The following TBCK variants were observed in gnomAD, a reference collection of about 807,000 sequenced individuals.
TBCK encodes the protein TBC1 domain containing kinase.
Under a neutral mutation model 113.4 loss-of-function variants are expected in TBCK, and 99 were observed. That is an observed-to-expected ratio of 0.87 (90% CI 0.74 to 1.03). TBCK has a LOEUF of 1.03. TBCK is among the 50% of genes least tolerant of loss of function. TBCK has a pLI of 0.00. For synonymous variants in TBCK, 369 were observed against 370.8 expected (o/e 1.00, Z 0.05); for missense variants, 1,045 against 1,061.3 (o/e 0.98, Z 0.21).
At chr4:106,208,310 C>T (rs1174041189) in intron 20 of TBCK, among the ~76,000 whole-genome samples, 3 of 152,076 alleles carry the variant, frequency 2.0e-5, no homozygotes, top group Non-Finnish European at 4.4e-5. Flanking sequence ...CCGTATGGCA[C>T]ACTTTCCTCT....
rs540012889 is a variant in TBCK at position 106,092,504 on chromosome 4, G to A, written c.2571+2978C>T. Among the ~76,000 whole-genome samples the A allele has an allele frequency of 2.6e-4, 39 of 152,350 alleles. No homozygotes were observed. In the South Asian group the frequency reaches 7.9e-3, roughly 31 times the overall value. ...GCAGGAGCCCACGGTGGGTTGGGGG[G>A]AGGCTCAGGCATGGTGGGCTGCAGG... On this transcript the variant is annotated intron_variant, in intron 25 of 25. Transcript: ENST00000394708.
intron 25 of TBCK, among the ~76,000 whole-genome samples, chr4:106,077,272 A>C (rs1488878995): frequency 1.3e-5 from 2 of 152,234 alleles, no homozygotes; most frequent in Admixed American, 1.3e-4. Context: ...TTAAGTCTAC[A>C]TAACAACCAG....
chr4:106,114,239 T>G (rs988694240), intron 24 of TBCK, among the ~76,000 whole-genome samples: 1 of 152,100 alleles, frequency 6.6e-6, no homozygotes, highest in Non-Finnish European at 1.5e-5. Context: ...GATGCAAACC[T>G]TCTTGGAAGG....
Position 106,233,790 on chromosome 4 carries a change from C to T in TBCK, c.1450-140G>A, listed in dbSNP as rs1440521679. ...AAGCACATTCAAACTCAGGGTAGAA[C>T]TCATCTTAAGAGAAATTCTCTGTGT... On this transcript the variant is annotated intron_variant, in intron 15 of 25. Coordinates refer to ENST00000394708, the MANE Select transcript of TBCK (RefSeq NM_001163435.3). 1.5e-5 allele frequency: 9 copies of T among 616,570 alleles called. No individual in the cohort carries two copies. The Admixed American group carries it at 2.7e-4, about 19-fold the overall frequency. 38.2% of individuals were successfully genotyped at this position (616,570 alleles called of 1,614,324 possible).
chr4:106,261,046 A>AT (rs948810782), intron 4 of TBCK, among the ~76,000 whole-genome samples: 8 of 152,078 alleles, frequency 5.3e-5, no homozygotes, highest in African/African-American at 1.9e-4. Context: ...AATAACTATC[A>AT]TAAGTATAAG....
chr4:106,185,358 C>G (rs1179510368), intron 22 of TBCK, among the ~76,000 whole-genome samples: 1 of 151,952 alleles, frequency 6.6e-6, no homozygotes, highest in Non-Finnish European at 1.5e-5. Flanking sequence ...ATGAGATTCA[C>G]CCTCTTACCA....
At chr4:106,108,421 G>A (rs906711375) in intron 24 of TBCK, among the ~76,000 whole-genome samples, 4 of 152,144 alleles carry the variant, frequency 2.6e-5, no homozygotes, top group Non-Finnish European at 5.9e-5. Flanking sequence ...GATCAAGTAG[G>A]CTTCATCCCC....
At chr4:106,103,266 T>A (rs1039459860) in intron 24 of TBCK, among the ~76,000 whole-genome samples, 1 of 152,222 alleles carries the variant, frequency 6.6e-6, no homozygotes, top group Non-Finnish European at 1.5e-5. Flanking sequence ...ACAGGTAGAT[T>A]TGTTCAGTTG....
intron 22 of TBCK, among the ~76,000 whole-genome samples, chr4:106,190,186 A>G (rs1753504252): frequency 1.3e-5 from 2 of 152,202 alleles, no homozygotes; most frequent in Admixed American, 1.3e-4. Context: ...GATTACACAT[A>G]AATCTTACAG....
At chr4:106,289,450 T>C (rs1217528830) in intron 3 of TBCK, among the ~76,000 whole-genome samples, 3 of 152,194 alleles carry the variant, frequency 2.0e-5, no homozygotes, top group African/African-American at 4.8e-5. Flanking sequence ...TATTAGTCTA[T>C]AAAAATATAA....
intron 22 of TBCK, among the ~76,000 whole-genome samples, chr4:106,179,336 T>G (rs1159721693): frequency 6.6e-6 from 1 of 152,096 alleles, no homozygotes; most frequent in African/African-American, 2.4e-5. Context: ...GTTAAGTTCT[T>G]TATTTGAATT....
At chr4:106,098,900 T>C (rs1022787296) in intron 24 of TBCK, among the ~76,000 whole-genome samples, 17 of 151,964 alleles carry the variant, frequency 1.1e-4, no homozygotes, top group South Asian at 2.1e-4. Context: ...AAGAACAAAA[T>C]CAAAAATTTG....
chr4:106,116,272 T>C lies in TBCK; in HGVS notation c.2342A>G (p.Lys781Arg), dbSNP rs1345431510. ...GGACTTTGTTTTCTTGCTGGGTGTT[T>C]TGAAGTGGCCTGTCACTGTGAGCTC... ...LCELTVTGHF[K>R]TPSKKTKSSK... Residue 781 changes from lysine (K) to arginine (R), a missense_variant, in exon 24 of 26, where the codon AAA becomes AGA. Coordinates refer to ENST00000394708, the MANE Select transcript of TBCK (RefSeq NM_001163435.3). The C allele has an allele frequency of 1.2e-6, 2 of 1,614,140 alleles. No homozygotes were observed. The highest frequency in any genetic ancestry group is 1.7e-6 in the Non-Finnish European group (2 of 1,180,030).
intron 24 of TBCK, among the ~76,000 whole-genome samples, chr4:106,104,284 C>A (rs1358711062): frequency 2.0e-5 from 3 of 152,172 alleles, no homozygotes; most frequent in African/African-American, 7.2e-5. Context: ...GGCTTGGGAT[C>A]CAGCCAGCTA....
chr4:106,169,590 A>G (rs2149732602), intron 23 of TBCK, among the ~76,000 whole-genome samples: 1 of 152,238 alleles, frequency 6.6e-6, no homozygotes. Context: ...AGTGTTCCTC[A>G]ACTTTTTTGG....
chr4:106,060,114 T>C (rs1359753462), intron 25 of TBCK, among the ~76,000 whole-genome samples: 2 of 151,110 alleles, frequency 1.3e-5, no homozygotes, highest in South Asian at 2.1e-4. Flanking sequence ...TCTCCATAAC[T>C]AAAAGTGTAA....
At chr4:106,216,048 C>G (rs1421410774) in intron 19 of TBCK, among the ~76,000 whole-genome samples, 3 of 151,780 alleles carry the variant, frequency 2.0e-5, no homozygotes, top group East Asian at 3.9e-4. Flanking sequence ...AACTAGAACT[C>G]AGGATTAAGA....
chr4:106,147,212 T>C (rs1309459869), intron 23 of TBCK, among the ~76,000 whole-genome samples: 1 of 152,242 alleles, frequency 6.6e-6, no homozygotes, highest in East Asian at 1.9e-4. Context: ...CATATTGATA[T>C]TGTGATCTCC....
intron 3 of TBCK, among the ~76,000 whole-genome samples, chr4:106,273,875 T>G (rs999024601): frequency 2.0e-5 from 3 of 152,232 alleles, no homozygotes; most frequent in African/African-American, 7.2e-5. Context: ...TTAAGCTACC[T>G]AATTTGTTGC....
Sources: allele counts gnomAD v4.1 joint callset (sites outside exome capture counted in the v4.1 genomes callset), GRCh38; gene constraint gnomAD v4.1.1; transcripts MANE v1.5; gene names NCBI Gene and HGNC (gene_info 2026-07-23, HGNC 2026-07-21).